Variants in GRIA3 observed in about 807,000 individuals in gnomAD.
The protein encoded by GRIA3 is glutamate ionotropic receptor AMPA type subunit 3, also known as glutamate receptor 3.
GRIA3 carries 3 observed loss-of-function variants against 63.0 expected under a neutral mutation model. That is an observed-to-expected ratio of 0.05 (90% CI 0.02 to 0.12). The LOEUF is 0.12. Among genes scored for constraint, GRIA3 ranks in the 10% least tolerant of loss-of-function variants. GRIA3 has a pLI of 1.00. For synonymous variants in GRIA3, 274 were observed against 257.9 expected (o/e 1.06, Z -0.60); for missense variants, 347 against 700.9 (o/e 0.50, Z 5.70).
At chrX:123,246,018 A>C (rs1462863331) in intron 2 of GRIA3, among the ~76,000 whole-genome samples, 1 of 111,324 alleles carries the variant, frequency 9.0e-6, no homozygotes, top group African/African-American at 3.3e-5. Flanking sequence ...CTCCAAGGGA[A>C]GTAGTGAGTT....
chrX:123,323,747 T>G (rs895946163), intron 3 of GRIA3, among the ~76,000 whole-genome samples: 6 of 111,641 alleles, frequency 5.4e-5, no homozygotes, highest in African/African-American at 2.0e-4. Flanking sequence ...CAAAGGGAGA[T>G]AAAAGCAAAT....
intron 12 of GRIA3, among the ~76,000 whole-genome samples, chrX:123,439,870 G>T (rs1188466574): frequency 1.8e-5 from 2 of 110,675 alleles, no homozygotes; most frequent in East Asian, 2.9e-4. Context: ...GGGGTTTGTT[G>T]TATAGATTAT....
At chrX:123,424,115 G>C (rs969702043) in intron 11 of GRIA3, among the ~76,000 whole-genome samples, 4 of 111,872 alleles carry the variant, frequency 3.6e-5, no homozygotes, top group Non-Finnish European at 7.5e-5. Flanking sequence ...AATCTGTCTT[G>C]TGCAACAAAA....
At chrX:123,202,553 T>C (rs777837113) in intron 2 of GRIA3, 15 of 993,811 alleles carry the variant, frequency 1.5e-5, no homozygotes, top group Non-Finnish European at 2.1e-5. Flanking sequence ...CTTTCCTCAA[T>C]CTTGAAGTGC....
intron 4 of GRIA3, among the ~76,000 whole-genome samples, chrX:123,345,615 C>T (rs1249555782): frequency 9.0e-6 from 1 of 110,805 alleles, no homozygotes; most frequent in Non-Finnish European, 1.9e-5. Flanking sequence ...CAGTTTACCC[C>T]CAGCTTCTCT....
chrX:123,192,973 G>C (rs1927479135), intron 2 of GRIA3, among the ~76,000 whole-genome samples: 2 of 110,583 alleles, frequency 1.8e-5, no homozygotes, highest in African/African-American at 6.6e-5. Flanking sequence ...CCCAGAGCAA[G>C]GAGACTGTGA....
At chrX:123,355,661 G>A (rs773323679) in intron 5 of GRIA3, among the ~76,000 whole-genome samples, 2 of 111,875 alleles carry the variant, frequency 1.8e-5, no homozygotes, top group South Asian at 3.7e-4. Flanking sequence ...AAAGAGAAAT[G>A]TTAAATTATC....
intron 4 of GRIA3, among the ~76,000 whole-genome samples, chrX:123,350,803 T>G (rs2045089638): frequency 8.9e-6 from 1 of 112,635 alleles, no homozygotes; most frequent in Non-Finnish European, 1.9e-5. Context: ...GAAACTCTAC[T>G]GATAAAGCTT....
In GRIA3 at chrX:123,427,762, A is replaced by G. The variant is rs371839985; in HGVS notation, c.1878-179A>G. Among the ~76,000 whole-genome samples the G allele has an allele frequency of 5.9e-4, 66 of 111,224 alleles. 2 individuals are homozygous for G. In the South Asian group the frequency reaches 0.025, roughly 42 times the overall value. ...CACCATCATAGTATGCCATCATGAC[A>G]TGGGGTATTGTTGTTAACATGTGAC... On this transcript the variant is annotated intron_variant, in intron 11 of 15. Transcript: ENST00000620443.
chrX:123,317,580 G>T (rs1374181632), intron 3 of GRIA3, among the ~76,000 whole-genome samples: 1 of 111,899 alleles, frequency 8.9e-6, no homozygotes, highest in African/African-American at 3.3e-5. Flanking sequence ...ATCCAACAGG[G>T]TAGTCAAATT....
chrX:123,215,953 C>T (rs1347518228), intron 2 of GRIA3, among the ~76,000 whole-genome samples: 3 of 111,831 alleles, frequency 2.7e-5, no homozygotes, highest in African/African-American at 9.8e-5. Flanking sequence ...GCTTTGTGCC[C>T]GGTGCTGTAC....
Position 123,403,429 on chromosome X carries a change from G to T in GRIA3, c.1203G>T (p.Glu401Asp), listed in dbSNP as rs1409371089. ...CTTTCTAGGCTGGCTACTGGAATGA[G>T]TATGAAAGGTTTGTGCCTTTCTCAG... ...SGSRKAGYWN[E>D]YERFVPFSDQ... Residue 401 changes from glutamate to aspartate, a missense_variant, in exon 9 of 16, where the codon GAG becomes GAT. Physicochemically the swap from Glu to Asp is conservative, Grantham distance 45. Around this residue, in one of 8 missense-constraint regions of GRIA3, gnomAD observed 65 missense variants for 145.8 expected, o/e 0.45. Transcript: ENST00000620443. 1 of 1,175,632 alleles carries T rather than the reference G, an allele frequency of 8.5e-7. No individual in the cohort carries two copies. The highest frequency in any genetic ancestry group is 1.2e-6 in the Non-Finnish European group (1 of 863,720).
intron 4 of GRIA3, among the ~76,000 whole-genome samples, chrX:123,334,932 A>G (rs902806239): frequency 2.7e-5 from 3 of 110,375 alleles, no homozygotes; most frequent in African/African-American, 9.9e-5. Flanking sequence ...ATATTGATTG[A>G]TTCCCAACCC....
rs755489975 is a variant in GRIA3 at position 123,218,317 on chromosome X, T to C, written c.268+32327T>C. Among the ~76,000 whole-genome samples the C allele has an allele frequency of 7.1e-5, 8 of 112,050 alleles. No homozygotes were observed. In the South Asian group the frequency reaches 3.0e-3, roughly 42 times the overall value. ...CTTATTAGAGGCTGTAGACACCATT[T>C]GACTTGCGATGGGTCTGACTTCCTA... On this transcript the variant is annotated intron_variant, in intron 2 of 15. Transcript: ENST00000620443.
At chrX:123,283,631 GAAGTTCAAACTCGGC>G (rs1237002011) in intron 3 of GRIA3, among the ~76,000 whole-genome samples, 2 of 111,621 alleles carry the variant, frequency 1.8e-5, no homozygotes, top group African/African-American at 6.5e-5. Context: ...AGCCACCTGG[GAAGTTCAAACTCGGC>G]AGAGCCCACT....
chrX:123,403,434 A>C lies in GRIA3; in HGVS notation c.1208A>C (p.Glu403Ala). The change falls in exon 9 of 16, where the codon GAA becomes GCA. Residue 403 changes from glutamate (E) to alanine (A), a missense_variant. Physicochemically the swap from Glu to Ala is moderately radical, Grantham distance 107. Around this residue, in one of 8 missense-constraint regions of GRIA3, gnomAD observed 65 missense variants for 145.8 expected, o/e 0.45. Coordinates refer to ENST00000620443, the MANE Select transcript of GRIA3 (RefSeq NM_007325.5). ...TAGGCTGGCTACTGGAATGAGTATG[A>C]AAGGTTTGTGCCTTTCTCAGATCAG... Reference protein sequence around the residue: ...SRKAGYWNEYERFVPFSDQQI... With the variant: ...SRKAGYWNEYARFVPFSDQQI... The C allele has an allele frequency of 8.4e-7, 1 of 1,189,764 alleles. No homozygotes were observed. Among genetic ancestry groups the C allele is most frequent in the Middle Eastern group, 2.3e-4 (1 of 4,289 alleles).
chrX:123,368,320 A>G (rs2045226476), intron 5 of GRIA3, among the ~76,000 whole-genome samples: 3 of 111,798 alleles, frequency 2.7e-5, no homozygotes, highest in African/African-American at 9.8e-5. Context: ...CCAGCTAGCT[A>G]TGGAGAATAA....
At chrX:123,294,158 C>A (rs2044672149) in intron 3 of GRIA3, among the ~76,000 whole-genome samples, 1 of 110,391 alleles carries the variant, frequency 9.1e-6, no homozygotes, top group Non-Finnish European at 1.9e-5. Flanking sequence ...GAGTTTGGTA[C>A]TGTTATTATT....
chrX:123,262,929 C>T (rs183722997), intron 3 of GRIA3, among the ~76,000 whole-genome samples: 83 of 111,107 alleles, frequency 7.5e-4, no homozygotes, highest in Middle Eastern at 4.7e-3. Context: ...TGCTCCCAAA[C>T]GTCACAGCTC....
Sources: allele counts gnomAD v4.1 joint callset (sites outside exome capture counted in the v4.1 genomes callset), GRCh38; gene constraint gnomAD v4.1.1; regional missense constraint gnomAD v4.1.1; transcripts MANE v1.5; gene names NCBI Gene and HGNC (gene_info 2026-07-23, HGNC 2026-07-21).